Variants in CCDC7 observed in about 807,000 individuals in gnomAD.
CCDC7 encodes the protein coiled-coil domain containing 7, also known as coiled-coil domain-containing protein 7.
In CCDC7, 183 loss-of-function variants were observed where a neutral mutation model predicts 196.9. That is an observed-to-expected ratio of 0.93 (90% confidence interval 0.82 to 1.05). The LOEUF is 1.05. Among genes scored for constraint, CCDC7 ranks in the 50% least tolerant of loss-of-function variants. The pLI is 0.00. For synonymous variants in CCDC7, 525 were observed against 484.6 expected, an observed-to-expected ratio of 1.08 and a Z score of -1.10; for missense variants, 1,540 against 1,482.2, an observed-to-expected ratio of 1.04 and a Z score of -0.64.
intron 30 of CCDC7, among the ~76,000 whole-genome samples, chr10:32,805,852 T>G (rs748141012): frequency 1.3e-5 from 2 of 152,186 alleles, no homozygotes; most frequent in Non-Finnish European, 2.9e-5. Context: ...GACTGGGTAA[T>G]TTATAAAGAA....
chr10:32,844,653 A>G (rs2093174308), intron 33 of CCDC7, among the ~76,000 whole-genome samples: 1 of 151,870 alleles, frequency 6.6e-6, no homozygotes. Context: ...GAGATGCATT[A>G]TATGGTAAAG....
intron 18 of CCDC7, among the ~76,000 whole-genome samples, chr10:32,609,231 T>C (rs1334769941): frequency 6.6e-6 from 1 of 152,180 alleles, no homozygotes; most frequent in African/African-American, 2.4e-5. Flanking sequence ...ATTATGGCAT[T>C]AGAGTCGATC....
At chr10:32,693,655 T>C (rs527515791) in intron 23 of CCDC7, among the ~76,000 whole-genome samples, 7 of 152,254 alleles carry the variant, frequency 4.6e-5, no homozygotes, top group African/African-American at 1.4e-4. Flanking sequence ...ATAATGTTAA[T>C]AAGAAAAAAA....
intron 9 of CCDC7, among the ~76,000 whole-genome samples, chr10:32,515,713 T>TA (rs2046916125): frequency 6.6e-6 from 1 of 151,716 alleles, no homozygotes. Context: ...CCGGCTAATT[T>TA]TTTTTTTTTG....
At chr10:32,868,838 G>C (rs944150844) in intron 41 of CCDC7, among the ~76,000 whole-genome samples, 2 of 150,622 alleles carry the variant, frequency 1.3e-5, no homozygotes, top group African/African-American at 4.9e-5. Context: ...TTGTCCTTCC[G>C]ATACTTTGCT....
chr10:32,514,409 A>G (rs1033679731), intron 9 of CCDC7: 4 of 152,218 alleles, frequency 2.6e-5, no homozygotes, highest in Non-Finnish European at 4.4e-5. Flanking sequence ...AAAGATAGAG[A>G]CAGAGACTGG....
chr10:32,777,256 C>T (rs1450047843), intron 28 of CCDC7, among the ~76,000 whole-genome samples: 1 of 152,030 alleles, frequency 6.6e-6, no homozygotes, highest in East Asian at 1.9e-4. Flanking sequence ...ATATATGTAC[C>T]ACATTTTCTA....
chr10:32,490,909 C>G (rs1414503137), intron 8 of CCDC7, among the ~76,000 whole-genome samples: 2 of 152,154 alleles, frequency 1.3e-5, no homozygotes, highest in East Asian at 3.8e-4. Flanking sequence ...TCTTACGAAG[C>G]TGGCTTCTCC....
intron 9 of CCDC7, among the ~76,000 whole-genome samples, chr10:32,499,678 A>G (rs2043568527): frequency 6.6e-6 from 1 of 151,704 alleles, no homozygotes; most frequent in African/African-American, 2.4e-5. Flanking sequence ...TCATAGGACA[A>G]TAGTGGAGGG....
chr10:32,763,522 A>G (rs2077779149), intron 28 of CCDC7, among the ~76,000 whole-genome samples: 1 of 151,968 alleles, frequency 6.6e-6, no homozygotes, highest in South Asian at 2.1e-4. Flanking sequence ...TAGTAAAGAT[A>G]TCTGCATCCC....
At chr10:32,689,480 G>A (rs1348781302) in intron 23 of CCDC7, among the ~76,000 whole-genome samples, 1 of 150,016 alleles carries the variant, frequency 6.7e-6, no homozygotes, top group African/African-American at 2.5e-5. Context: ...TCTCACCTGT[G>A]GCCTTCTTCC....
intron 28 of CCDC7, among the ~76,000 whole-genome samples, chr10:32,777,984 A>G (rs1424702932): frequency 6.6e-6 from 1 of 152,172 alleles, no homozygotes; most frequent in Non-Finnish European, 1.5e-5. Context: ...GGCCACTTGT[A>G]TGTCTTCTTT....
exon 29 of CCDC7, chr10:32,778,979 A>G (rs2080590038): frequency 1.3e-6 from 2 of 1,547,658 alleles, no homozygotes; most frequent in Non-Finnish European, 1.7e-6. Flanking sequence ...TCTTACAGTT[A>G]AAAATGAAGC....
intron 11 of CCDC7, among the ~76,000 whole-genome samples, chr10:32,532,462 A>C (rs1026101223): frequency 2.6e-5 from 4 of 152,168 alleles, no homozygotes; most frequent in African/African-American, 9.6e-5. Context: ...GATATGGTCT[A>C]TCCTGGAGAA....
At chr10:32,610,224 C>T (rs1202134413) in intron 18 of CCDC7, among the ~76,000 whole-genome samples, 1 of 152,096 alleles carries the variant, frequency 6.6e-6, no homozygotes, top group Non-Finnish European at 1.5e-5. Context: ...CCTGCCTCAG[C>T]CTCCCGAGTA....
chr10:32,798,819 A>G (rs1398697065), intron 29 of CCDC7, among the ~76,000 whole-genome samples: 1 of 152,182 alleles, frequency 6.6e-6, no homozygotes, highest in Admixed American at 6.5e-5. Context: ...GTAGTGCTGT[A>G]GCTGTCCACT....
intron 9 of CCDC7, among the ~76,000 whole-genome samples, chr10:32,494,616 A>G (rs2042632054): frequency 6.6e-6 from 1 of 150,800 alleles, no homozygotes; most frequent in South Asian, 2.1e-4. Context: ...TTATTGTTCC[A>G]CTCCCACTTA....
chr10:32,742,351 C>T (rs995850473), intron 28 of CCDC7, among the ~76,000 whole-genome samples: 7 of 152,096 alleles, frequency 4.6e-5, no homozygotes, highest in African/African-American at 1.7e-4. Flanking sequence ...ACATTATCAC[C>T]CAAAGTCCAT....
At chr10:32,838,637 C>T (rs1055009562) in intron 33 of CCDC7, among the ~76,000 whole-genome samples, 8 of 151,950 alleles carry the variant, frequency 5.3e-5, no homozygotes, top group African/African-American at 1.9e-4. Context: ...CAAAGAACAC[C>T]TGGGAAATTC....
Sources: allele counts gnomAD v4.1 joint callset (sites outside exome capture counted in the v4.1 genomes callset), GRCh38; gene constraint gnomAD v4.1.1; transcripts MANE v1.5; gene names NCBI Gene and HGNC (gene_info 2026-07-23, HGNC 2026-07-21).